The following YBX1 variants were observed in gnomAD, a reference collection of about 807,000 sequenced individuals.
The protein encoded by YBX1 is Y-box-binding protein 1.
In YBX1, 3 loss-of-function variants were observed where a neutral mutation model predicts 41.4. The observed-to-expected ratio is 0.07, with a 90% confidence interval of 0.03 to 0.19. The LOEUF is 0.19. Among genes scored for constraint, YBX1 ranks in the 10% least tolerant of loss-of-function variants. The pLI, the probability that YBX1 is intolerant of heterozygous loss-of-function variation, is 1.00. For synonymous variants in YBX1, 133 were observed against 165.8 expected, an observed-to-expected ratio of 0.80 and a Z score of 1.52; for missense variants, 274 against 462.8, an observed-to-expected ratio of 0.59 and a Z score of 3.74.
chr1:42,684,248 G>T (rs1261566240), intron 2 of YBX1, among the ~76,000 whole-genome samples: 1 of 152,258 alleles, frequency 6.6e-6, no homozygotes, highest in Non-Finnish European at 1.5e-5. Context: ...CGGGTTGTTT[G>T]TAGGAGTGGT....
chr1:42,683,805 C>A (rs369239371), intron 2 of YBX1, among the ~76,000 whole-genome samples: 3 of 152,276 alleles, frequency 2.0e-5, no homozygotes, highest in Admixed American at 6.5e-5. Flanking sequence ...TCCTTGTCAT[C>A]TTTTTCTACT....
At chr1:42,685,439 A>G (rs1650171004) in intron 2 of YBX1, among the ~76,000 whole-genome samples, 1 of 152,198 alleles carries the variant, frequency 6.6e-6, no homozygotes, top group Non-Finnish European at 1.5e-5. Context: ...GACTTTTTTA[A>G]TAAGATGCTG....
intron 2 of YBX1, among the ~76,000 whole-genome samples, chr1:42,692,887 A>G (rs1374724503): frequency 6.6e-6 from 1 of 152,260 alleles, no homozygotes; most frequent in African/African-American, 2.4e-5. Context: ...ATGTCTTTTT[A>G]TACATGGCTC....
At chr1:42,697,777 C>T (rs1380985983) in intron 6 of YBX1, among the ~76,000 whole-genome samples, 1 of 151,906 alleles carries the variant, frequency 6.6e-6, no homozygotes, top group African/African-American at 2.4e-5. Context: ...CGTTAGACAA[C>T]TATCTACTTG....
Position 42,682,617 on chromosome 1 carries a change from C to T in YBX1, c.52C>T (p.Pro18Ser), listed in dbSNP as rs1006688362. Residue 18 changes from proline (P) to serine (S), a missense_variant, in exon 1 of 8, where the codon CCC (proline) becomes TCC (serine). Pro to Ser is a moderately conservative substitution (Grantham distance 74). This residue lies in a region of YBX1 where 84 missense variants were observed against 130.8 expected (regional missense o/e 0.64). Transcript: ENST00000321358. ...QQPPAAPPAA[P>S]ALSAADTKPG... ...GCCGCCCGCCGCCCCCCCCGCCGCC[C>T]CCGCCCTCAGCGCCGCCGACACCAA... The T allele has an allele frequency of 7.0e-7, 1 of 1,433,192 alleles. No homozygotes were observed. Among genetic ancestry groups the T allele is most frequent in the East Asian group, 3.0e-5 (1 of 32,798 alleles). The allele number at this position is 1,433,192 out of a possible 1,614,324, so 88.8% of individuals were successfully genotyped here. A position where few individuals can be genotyped will look rare whatever the true frequency, so the allele number is the denominator to read the frequency against.
intron 6 of YBX1, among the ~76,000 whole-genome samples, chr1:42,699,409 C>T (rs1311296150): frequency 6.6e-6 from 1 of 152,036 alleles, no homozygotes; most frequent in Non-Finnish European, 1.5e-5. Flanking sequence ...TGAGTTCACC[C>T]AGCTTGACTC....
chr1:42,694,910 C>CT (rs951555952), intron 3 of YBX1, among the ~76,000 whole-genome samples: 5 of 151,816 alleles, frequency 3.3e-5, no homozygotes, highest in African/African-American at 1.2e-4. Flanking sequence ...GTTGGCAACC[C>CT]TTAAGGGTTG....
chr1:42,689,209 G>A (rs1027984520), intron 2 of YBX1, among the ~76,000 whole-genome samples: 1 of 152,176 alleles, frequency 6.6e-6, no homozygotes, highest in African/African-American at 2.4e-5. Flanking sequence ...ACAATATGTG[G>A]GAAACAGAAG....
At chr1:42,699,618 GT>G (rs1477963933) in intron 6 of YBX1, among the ~76,000 whole-genome samples, 57 of 128,418 alleles carry the variant, frequency 4.4e-4, no homozygotes, top group East Asian at 1.5e-3. Context: ...AATGAGGGTT[GT>G]TTTTTTTTTT....
intron 1 of YBX1, 123 bp downstream of exon 1, chr1:42,682,854 C>T: frequency 2.2e-6 from 1 of 459,758 alleles, no homozygotes; most frequent in Non-Finnish European, 3.2e-6. Flanking sequence ...CGCGCGGCCG[C>T]CCATCCCCCC....
intron 6 of YBX1, 122 bp from the exon 7 acceptor site, chr1:42,700,659 A>G: frequency 1.7e-6 from 1 of 590,216 alleles, no homozygotes; most frequent in Non-Finnish European, 2.5e-6. Flanking sequence ...AATTGCCTAC[A>G]GACCACTTGA....
intron 2 of YBX1, 127 bp downstream of exon 2, chr1:42,683,593 A>G: frequency 6.1e-6 from 6 of 978,312 alleles, no homozygotes; most frequent in Non-Finnish European, 9.3e-6. Context: ...CCTCTGGTGT[A>G]TTAGTATGAT....
chr1:42,697,319 C>T, intron 6 of YBX1, 57 bp downstream of exon 6: 3 of 1,534,994 alleles, frequency 2.0e-6, no homozygotes, highest in Non-Finnish European at 2.7e-6. Context: ...TGTTAGGACT[C>T]AGCAATATCA....
At chr1:42,686,820 G>A (rs1005371707) in intron 2 of YBX1, among the ~76,000 whole-genome samples, 2 of 152,212 alleles carry the variant, frequency 1.3e-5, no homozygotes, top group Non-Finnish European at 2.9e-5. Flanking sequence ...GAGGCACAAA[G>A]GAGTTGTTAC....
In YBX1 at chr1:42,703,492, C is replaced by T. The variant is rs1303810266; in HGVS notation, c.*1543C>T. Among the ~76,000 whole-genome samples, 6 of 151,898 alleles carry T rather than the reference C, an allele frequency of 4.0e-5. No individual in the cohort carries two copies. The highest frequency in any genetic ancestry group is 1.5e-4 in the African/African-American group (6 of 41,342). On this transcript the variant is annotated 3_prime_UTR_variant, in exon 8 of 8. Transcript: ENST00000321358. ...ACTACTCAAAAAAAATTTTTTTAAC[C>T]CTACTTAGTGTAAATATCTGTACTG...
At chr1:42,689,687 A>G (rs1314152524) in intron 2 of YBX1, among the ~76,000 whole-genome samples, 2 of 152,198 alleles carry the variant, frequency 1.3e-5, no homozygotes, top group Non-Finnish European at 2.9e-5. Flanking sequence ...AGCAAATGCT[A>G]GAATTCCTAG....
At chr1:42,689,889 TC>T (rs1200566942) in intron 2 of YBX1, among the ~76,000 whole-genome samples, 1 of 152,204 alleles carries the variant, frequency 6.6e-6, no homozygotes, top group African/African-American at 2.4e-5. Flanking sequence ...AATTTAGAAA[TC>T]TGGCTAGTAT....
At chr1:42,689,640 G>GTCTA (rs1650281728) in intron 2 of YBX1, among the ~76,000 whole-genome samples, 1 of 152,180 alleles carries the variant, frequency 6.6e-6, no homozygotes, top group Admixed American at 6.5e-5. Flanking sequence ...ACATGCTGGA[G>GTCTA]TAGAGTCCGG....
At position 42,685,796 on chromosome 1, in the gene YBX1, A is replaced by G. The variant is rs1650180024; in HGVS notation, c.230+2330A>G. On this transcript the variant is annotated intron_variant, in intron 2 of 7. Coordinates refer to ENST00000321358, the MANE Select transcript of YBX1 (RefSeq NM_004559.5). ...TTTCTGCCTTTAAAGACATAATTTC[A>G]TTGTAAATGTGTTTATTCCAGCCTG... is the stretch of plus-strand genomic sequence containing the variant. Among the ~76,000 whole-genome samples, 3 of 152,298 alleles carry G rather than the reference A, an allele frequency of 2.0e-5. No homozygotes were observed. The South Asian group carries it at 6.2e-4, about 32-fold the overall frequency.
Sources: gnomAD v4.1 joint callset for allele counts (sites outside exome capture counted in the v4.1 genomes callset) on GRCh38, gnomAD v4.1.1 for gene constraint, gnomAD v4.1.1 regional missense constraint, MANE v1.5 for transcripts, NCBI Gene and HGNC (gene_info 2026-07-23, HGNC 2026-07-21) for gene names.